POT1: variants seen among roughly 807,000 people sequenced by gnomAD.
The protein encoded by POT1 is protection of telomeres protein 1.
Under a neutral mutation model 78.5 loss-of-function variants are expected in POT1, and 47 were observed. The ratio of observed to expected loss-of-function variants is 0.60; its 90% CI spans 0.47 to 0.76. The LOEUF (loss-of-function observed/expected upper bound fraction) is 0.76, where lower values mean the gene tolerates loss of function less well. Ranked by LOEUF, POT1 falls within the 30% of genes least tolerant of loss-of-function variation. POT1 has a pLI of 0.00. For synonymous variants in POT1, 259 were observed against 260.7 expected (o/e 0.99, Z 0.06); for missense variants, 646 against 749.9 (o/e 0.86, Z 1.62).
In POT1 at chr7:124,835,316, C is replaced by T. The variant is rs1794871998; in HGVS notation, c.1468G>A (p.Ala490Thr). The T allele has an allele frequency of 3.1e-6, 5 of 1,613,852 alleles. No homozygotes were observed. The highest frequency in any genetic ancestry group is 3.3e-5 in the Admixed American group (2 of 59,986). ...ATTGTTCCTTGTATAAGAAATGGTG[C>T]TGAAAGGTCCAAAAGTTCCAGGTCT... is the stretch of plus-strand genomic sequence containing the variant. Reference protein sequence around the residue: ...HEDLELLDLSAPFLIQGTIHH... With the variant: ...HEDLELLDLSTPFLIQGTIHH... The change falls in exon 15 of 19, where the codon GCA (alanine) becomes ACA (threonine). Residue 490 changes from alanine to threonine, a missense_variant. Coordinates refer to ENST00000357628, the MANE Select transcript of POT1 (RefSeq NM_015450.3).
At chr7:124,905,025 T>G (rs1796725540) in intron 3 of POT1, among the ~76,000 whole-genome samples, 2 of 152,186 alleles carry the variant, frequency 1.3e-5, no homozygotes, top group Non-Finnish European at 2.9e-5. Flanking sequence ...CATTCCACGC[T>G]CATGGATAGA....
intron 3 of POT1, among the ~76,000 whole-genome samples, chr7:124,910,167 C>T (rs2116682955): frequency 6.6e-6 from 1 of 151,932 alleles, no homozygotes; most frequent in South Asian, 2.1e-4. Flanking sequence ...TAGGAAATGG[C>T]AAGGGATTCA....
At chr7:124,868,184 T>C (rs1183201320) in intron 7 of POT1, among the ~76,000 whole-genome samples, 2 of 152,164 alleles carry the variant, frequency 1.3e-5, no homozygotes, top group African/African-American at 4.8e-5. Context: ...AACAAATGTC[T>C]GTACTTAGAA....
rs1177338056 is a variant in POT1 at position 124,829,345 on chromosome 7, G to C, written c.1506-3C>G. On this transcript the variant is annotated splice_region_variant and splice_polypyrimidine_tract_variant and intron_variant, in intron 15 of 18. Transcript: ENST00000357628. ...TCAAACTAGAACACTGTTTACATCT[G>C]AAATTTATAAAAGAAAGAACCATAA... The C allele has an allele frequency of 6.6e-7, 1 of 1,518,222 alleles. No individual in the cohort carries two copies. The highest frequency in any genetic ancestry group is 9.0e-7 in the Non-Finnish European group (1 of 1,107,226). The allele number at this position is 1,518,222 out of a possible 1,614,324, so 94.0% of individuals were successfully genotyped here. A position where few individuals can be genotyped will look rare whatever the true frequency, so the allele number is the denominator to read the frequency against.
intron 3 of POT1, among the ~76,000 whole-genome samples, chr7:124,899,123 A>T (rs1323156378): frequency 6.6e-6 from 1 of 152,194 alleles, no homozygotes; most frequent in African/African-American, 2.4e-5. Flanking sequence ...GCATTACCAC[A>T]GTGTGCTCTG....
intron 3 of POT1, among the ~76,000 whole-genome samples, chr7:124,913,636 G>T (rs1403392219): frequency 1.3e-5 from 2 of 152,042 alleles, no homozygotes; most frequent in African/African-American, 4.8e-5. Flanking sequence ...ATCCATTTTA[G>T]TTAAATTTTG....
intron 16 of POT1, among the ~76,000 whole-genome samples, chr7:124,828,092 A>T (rs1794674568): frequency 6.6e-6 from 1 of 152,140 alleles, no homozygotes; most frequent in Non-Finnish European, 1.5e-5. Flanking sequence ...GAAACCACAA[A>T]AAGTGATTCA....
intron 3 of POT1, among the ~76,000 whole-genome samples, chr7:124,901,614 C>T (rs4467880): frequency 0.6 from 91,368 of 151,970 alleles, 27,597 homozygotes; most frequent in African/African-American, 0.65. Flanking sequence ...AATCAGAGCA[C>T]CTCTTCTCCT....
chr7:124,900,938 C>T (rs568287520), intron 3 of POT1: 13 of 223,810 alleles, frequency 5.8e-5, no homozygotes, highest in African/African-American at 1.8e-4. Flanking sequence ...GAGGCTGCAG[C>T]GAGTCTGGGG....
intron 12 of POT1, among the ~76,000 whole-genome samples, chr7:124,843,435 G>C (rs753693827): frequency 3.3e-5 from 5 of 152,114 alleles, no homozygotes; most frequent in Non-Finnish European, 7.4e-5. Context: ...GAATAGGAAG[G>C]GACATTAAGG....
At chr7:124,868,779 A>G (rs918676594) in intron 7 of POT1, among the ~76,000 whole-genome samples, 6 of 150,172 alleles carry the variant, frequency 4.0e-5, no homozygotes, top group African/African-American at 1.5e-4. Context: ...ATAATTCAAT[A>G]TATTATATTC....
intron 5 of POT1, among the ~76,000 whole-genome samples, chr7:124,894,240 T>C (rs1278403771): frequency 6.6e-6 from 1 of 151,126 alleles, no homozygotes; most frequent in Non-Finnish European, 1.5e-5. Flanking sequence ...AACTTCAATA[T>C]AAAGAAAGCT....
chr7:124,825,288 T>C lies in POT1; in HGVS notation c.1756A>G (p.Ile586Val), dbSNP rs1554415137. 6.2e-7 allele frequency: 1 copy of C among 1,610,488 alleles called. No individual in the cohort carries two copies. The highest frequency in any genetic ancestry group is 8.5e-7 in the Non-Finnish European group (1 of 1,178,292). Residue 586 changes from isoleucine (I) to valine (V), a missense_variant, in exon 18 of 19, where the codon ATC (isoleucine) becomes GTC (valine). Around this residue, in one of 2 missense-constraint regions of POT1, gnomAD observed 394 missense variants for 408.4 expected, o/e 0.96. Transcript: ENST00000357628. ...DDDLQKSVDM[I>V]MDMFCPPGIK... is the part of the protein sequence containing the mutation. ...CCTGGAGGACAAAACATATCCATGA[T>C]CATATCCACACTTTTCTGAAGGTCA...
chr7:124,875,178 T>A (rs928819128), intron 6 of POT1, among the ~76,000 whole-genome samples: 7 of 152,154 alleles, frequency 4.6e-5, no homozygotes, highest in African/African-American at 1.7e-4. Flanking sequence ...AGAGAACACA[T>A]TCTTACTTGC....
chr7:124,875,288 A>C (rs1795962293), intron 6 of POT1, among the ~76,000 whole-genome samples: 1 of 152,106 alleles, frequency 6.6e-6, no homozygotes, highest in Non-Finnish European at 1.5e-5. Flanking sequence ...TATCTGAGTA[A>C]TTATTTCATC....
intron 14 of POT1, among the ~76,000 whole-genome samples, chr7:124,840,469 G>C (rs2116459557): frequency 6.6e-6 from 1 of 151,966 alleles, no homozygotes; most frequent in South Asian, 2.1e-4. Flanking sequence ...AGATAAATGA[G>C]ATAAAAATTA....
chr7:124,825,203 G>A (rs372591502), intron 18 of POT1, 49 bp downstream of exon 18: 14 of 1,234,190 alleles, frequency 1.1e-5, no homozygotes, highest in Non-Finnish European at 1.5e-5. Flanking sequence ...ATATGTTAGT[G>A]CTATCTCAAG....
chr7:124,893,378 C>G (rs1393187448), intron 5 of POT1, among the ~76,000 whole-genome samples: 1 of 151,254 alleles, frequency 6.6e-6, no homozygotes, highest in Non-Finnish European at 1.5e-5. Context: ...ATAATGAAAC[C>G]CTACCCCAAA....
chr7:124,923,062 T>G (rs1244734611), intron 2 of POT1, among the ~76,000 whole-genome samples: 1 of 151,572 alleles, frequency 6.6e-6, no homozygotes, highest in Non-Finnish European at 1.5e-5. Context: ...AAGCAATTGC[T>G]ACACTAGATG....
Sources: allele counts gnomAD v4.1 joint callset (sites outside exome capture counted in the v4.1 genomes callset), GRCh38; gene constraint gnomAD v4.1.1; regional missense constraint gnomAD v4.1.1; transcripts MANE v1.5; gene names NCBI Gene and HGNC (gene_info 2026-07-23, HGNC 2026-07-21).